Variants in CATSPERD observed in about 807,000 individuals in gnomAD.
CATSPERD encodes cation channel sperm-associated auxiliary subunit delta.
In CATSPERD, 86 loss-of-function variants were observed where a neutral mutation model predicts 98.1. That is an observed-to-expected ratio of 0.88 (90% confidence interval 0.74 to 1.05). The LOEUF (loss-of-function observed/expected upper bound fraction) is 1.05. Ranked by LOEUF, CATSPERD falls within the 50% of genes least tolerant of loss-of-function variation. The pLI is 0.00. For synonymous variants in CATSPERD, 394 were observed against 390.2 expected (o/e 1.01, Z -0.12); for missense variants, 995 against 1,005.7 (o/e 0.99, Z 0.14).
rs201236198 is a variant in CATSPERD at position 5,728,382 on chromosome 19, A to G, written c.203+1038A>G. On this transcript the variant is annotated intron_variant, in intron 3 of 21. Coordinates refer to ENST00000381624, the MANE Select transcript of CATSPERD (RefSeq NM_152784.4). ...AAAAAAAAAAAAAAAAAAGAAAAAG[A>G]AAAGAAAAGAAAGAAAAAGAAAATT... 7.5e-5 allele frequency among the ~76,000 whole-genome samples: 11 copies of G among 147,486 alleles called. No homozygotes were observed. In the East Asian group the frequency reaches 2.2e-3, roughly 29 times the overall value.
At chr19:5,762,054 A>AT (rs1378491245) in intron 15 of CATSPERD, among the ~76,000 whole-genome samples, 10 of 14,878 alleles carry the variant, frequency 6.7e-4, no homozygotes, top group Admixed American at 1.5e-3. Flanking sequence ...ATATATATAT[A>AT]TATATTTTTT....
intron 7 of CATSPERD, among the ~76,000 whole-genome samples, chr19:5,743,434 C>T (rs1321670310): frequency 5.3e-5 from 8 of 151,730 alleles, no homozygotes; most frequent in African/African-American, 7.2e-5. Context: ...CCCGTTTCTA[C>T]TAAAAAAACA....
At chr19:5,758,966 C>A in intron 14 of CATSPERD, 120 bp from the exon 15 acceptor site, 1 of 767,198 alleles carries the variant, frequency 1.3e-6, no homozygotes, top group Non-Finnish European at 2.3e-6. Context: ...TGGGGCTAAG[C>A]GGCTTCCAGG....
chr19:5,761,416 A>AATGG (rs550185518), intron 15 of CATSPERD, among the ~76,000 whole-genome samples: 1,709 of 19,814 alleles, frequency 0.086, 35 homozygotes, highest in South Asian at 0.14. Flanking sequence ...TTCAGAAATT[A>AATGG]ATGGATGGAT....
intron 19 of CATSPERD, among the ~76,000 whole-genome samples, chr19:5,771,583 CT>C (rs143776994): frequency 0.016 from 2,251 of 140,156 alleles, 12 homozygotes; most frequent in Middle Eastern, 0.056. Context: ...TCTTCCTGTT[CT>C]TTTTTTTTTT....
intron 18 of CATSPERD, among the ~76,000 whole-genome samples, chr19:5,770,046 G>A (rs543334698): frequency 6.5e-5 from 9 of 138,374 alleles, no homozygotes; most frequent in African/African-American, 2.2e-4. Flanking sequence ...CTGAGATCAC[G>A]CCACTGCACT....
chr19:5,741,785 C>CA (rs939602468), intron 7 of CATSPERD, among the ~76,000 whole-genome samples: 266 of 6,118 alleles, frequency 0.043, 66 homozygotes, highest in African/African-American at 0.1. Context: ...ATGCTGAAGG[C>CA]GGGGGGGGGG....
intron 19 of CATSPERD, among the ~76,000 whole-genome samples, 164 bp from the exon 20 acceptor site, chr19:5,772,624 C>T (rs1227382952): frequency 6.6e-6 from 1 of 152,078 alleles, no homozygotes; most frequent in Non-Finnish European, 1.5e-5. Flanking sequence ...CTCCCCGCAG[C>T]CCACACACGG....
intron 17 of CATSPERD, among the ~76,000 whole-genome samples, 170 bp from the exon 18 acceptor site, chr19:5,767,998 A>G (rs2056575025): frequency 6.6e-6 from 1 of 151,918 alleles, no homozygotes; most frequent in Non-Finnish European, 1.5e-5. Flanking sequence ...GGGTTTCCTC[A>G]TGTTGGCCAG....
chr19:5,733,430 C>T (rs1334269923), intron 4 of CATSPERD, among the ~76,000 whole-genome samples: 8 of 138,838 alleles, frequency 5.8e-5, no homozygotes, highest in African/African-American at 1.9e-4. Flanking sequence ...TCCTTCCTTC[C>T]TCCTTTCTTT....
At chr19:5,758,692 G>A (rs530267018) in intron 14 of CATSPERD, among the ~76,000 whole-genome samples, 2 of 151,322 alleles carry the variant, frequency 1.3e-5, no homozygotes, top group South Asian at 2.1e-4. Flanking sequence ...GCAGTGAGCC[G>A]AGATCGTGTC....
chr19:5,768,566 G>A (rs1225279295), intron 18 of CATSPERD, among the ~76,000 whole-genome samples: 8 of 151,928 alleles, frequency 5.3e-5, no homozygotes, highest in African/African-American at 1.7e-4. Context: ...TCAATCTCCT[G>A]ATCTCGTGAT....
chr19:5,748,079 G>T, intron 9 of CATSPERD, 81 bp from the exon 10 acceptor site: 1 of 1,138,488 alleles, frequency 8.8e-7, no homozygotes, highest in Non-Finnish European at 1.3e-6. Context: ...TGGTGGCAGG[G>T]GTGGCTGTGG....
At chr19:5,741,282 GTC>G (rs1216748241) in intron 7 of CATSPERD, among the ~76,000 whole-genome samples, 6 of 152,188 alleles carry the variant, frequency 3.9e-5, no homozygotes, top group South Asian at 2.1e-4. Flanking sequence ...GACTCTAACT[GTC>G]TTTGGCATTT....
chr19:5,730,984 C>A (rs1046574275), intron 4 of CATSPERD, among the ~76,000 whole-genome samples: 9 of 147,590 alleles, frequency 6.1e-5, no homozygotes, highest in Admixed American at 1.4e-4. Context: ...CCCAGCTATT[C>A]GGGAGGCTGA....
rs886962910 is a variant in CATSPERD, at chr19:5,751,768, T to A, written c.1109T>A (p.Leu370His). The change falls in exon 12 of 22, where the codon CTC becomes CAC. Residue 370 changes from leucine to histidine, a missense_variant. This residue lies in a region of CATSPERD where 762 missense variants were observed against 773.7 expected (regional missense o/e 0.98). Coordinates refer to ENST00000381624, the MANE Select transcript of CATSPERD (RefSeq NM_152784.4). ...CCAGCTTTTGATTTCCAGAAGTGCC[T>A]CGTGAATATCCAGGCGCTTCTCATG... is the stretch of plus-strand genomic sequence containing the variant. Reference protein sequence around the residue: ...AFPAFDFQKCLVNIQALLMDP... With the variant: ...AFPAFDFQKCHVNIQALLMDP... 1.1e-5 allele frequency: 18 copies of A among 1,613,586 alleles called. No homozygotes were observed. Among genetic ancestry groups the A allele is most frequent in the African/African-American group, 4.0e-5 (3 of 74,866 alleles).
intron 1 of CATSPERD, among the ~76,000 whole-genome samples, chr19:5,724,034 C>G (rs145485646): frequency 6.6e-6 from 1 of 152,182 alleles, no homozygotes; most frequent in South Asian, 2.1e-4. Context: ...CTCAGGTGAT[C>G]CACCCGCTTT....
intron 7 of CATSPERD, among the ~76,000 whole-genome samples, chr19:5,743,677 T>G (rs3097889): frequency 0.39 from 58,000 of 147,042 alleles, 11,723 homozygotes; most frequent in Non-Finnish European, 0.46. Flanking sequence ...CCTCTCTCTC[T>G]CTCTTCCTCT....
At chr19:5,761,180 C>A (rs1416250362) in intron 15 of CATSPERD, among the ~76,000 whole-genome samples, 1 of 152,026 alleles carries the variant, frequency 6.6e-6, no homozygotes, top group South Asian at 2.1e-4. Flanking sequence ...CGGCTCACTG[C>A]AATCTCTGCC....
Sources: gnomAD v4.1 joint callset for allele counts (sites outside exome capture counted in the v4.1 genomes callset) on GRCh38, gnomAD v4.1.1 for gene constraint, gnomAD v4.1.1 regional missense constraint, MANE v1.5 for transcripts, NCBI Gene and HGNC (gene_info 2026-07-23, HGNC 2026-07-21) for gene names.